The following KRT8 variants were observed in gnomAD, a reference collection of about 807,000 sequenced individuals.
KRT8 encodes keratin, type II cytoskeletal 8.
In KRT8, 24 loss-of-function variants were observed where a neutral mutation model predicts 43.0. The observed-to-expected ratio is 0.56, with a 90% CI of 0.40 to 0.78. The LOEUF is 0.78. Ranked by LOEUF, KRT8 falls within the 30% of genes least tolerant of loss-of-function variation. The pLI, the probability that KRT8 is intolerant of heterozygous loss-of-function variation, is 0.00. For synonymous variants in KRT8, 214 were observed against 261.2 expected (o/e 0.82, Z 1.74); for missense variants, 492 against 638.4 (o/e 0.77, Z 2.47).
chr12:52,944,939 G>A (rs943845993), intron 2 of KRT8, among the ~76,000 whole-genome samples: 13 of 152,268 alleles, frequency 8.5e-5, no homozygotes, highest in Admixed American at 3.3e-4. Context: ...CCCCTGCTCC[G>A]CAGCTGCCTC....
At chr12:52,935,539 AAAAAAGGAAAAGAAAAAG>A (rs1217424876) in intron 2 of KRT8, among the ~76,000 whole-genome samples, 152 of 151,380 alleles carry the variant, frequency 1.0e-3, no homozygotes, top group African/African-American at 3.5e-3. Context: ...TAAAAAAAAA[AAAAAAGGAAAAGAAAAAG>A]AAAAAGGAAA....
chr12:52,899,034 G>T, intron 5 of KRT8, 135 bp from the exon 6 acceptor site: 1 of 784,616 alleles, frequency 1.3e-6, no homozygotes, highest in Non-Finnish European at 2.1e-6. Context: ...GAGACTAAGG[G>T]CCGGGCACAG....
chr12:52,901,274 G>C (rs5019800), intron 2 of KRT8, 55 bp from the exon 3 acceptor site: 703,663 of 1,317,004 alleles, frequency 0.53, 190,155 homozygotes, highest in South Asian at 0.7. Flanking sequence ...GGTTGCCCTT[G>C]GTCTTTTGGG....
chr12:52,942,180 C>CAGG (rs1236114341), intron 2 of KRT8, among the ~76,000 whole-genome samples: 1 of 152,064 alleles, frequency 6.6e-6, no homozygotes, highest in Non-Finnish European at 1.5e-5. Flanking sequence ...ATGATTCTTC[C>CAGG]AGGAGGAGGA....
chr12:52,900,361 C>CACT lies in KRT8; in HGVS notation c.690+224_690+226dup, dbSNP rs749948003. On this transcript the variant is annotated intron_variant, in intron 4 of 7. Coordinates refer to ENST00000692008, the Ensembl canonical transcript of KRT8. ...ATACGTTATTTCACTTCTCTGAGCCCACTTTCTCGTCTGTGAAATGGGGTA... is the reference window on the plus strand; with the variant it reads ...ATACGTTATTTCACTTCTCTGAGCCCACTACTTTCTCGTCTGTGAAATGGGGTA... Among the ~76,000 whole-genome samples the CACT allele has an allele frequency of 5.5e-4, 84 of 152,320 alleles. 1 individual carries two copies. Among genetic ancestry groups the CACT allele is most frequent in the Non-Finnish European group, 9.1e-4 (62 of 68,028 alleles).
chr12:52,898,969 C>T, intron 5 of KRT8, 70 bp from the exon 6 acceptor site: 1 of 1,346,674 alleles, frequency 7.4e-7, no homozygotes, highest in East Asian at 2.4e-5. Context: ...TCCCACCCTC[C>T]CTCAGGGTCC....
intron 2 of KRT8, among the ~76,000 whole-genome samples, chr12:52,926,973 T>TG (rs1250333113): frequency 1.3e-5 from 2 of 152,138 alleles, no homozygotes; most frequent in African/African-American, 2.4e-5. Context: ...AATGAATGAA[T>TG]GATTCAATTC....
At chr12:52,900,133 G>T in intron 4 of KRT8, 68 bp from the exon 5 acceptor site, 2 of 1,527,460 alleles carry the variant, frequency 1.3e-6, no homozygotes, top group Non-Finnish European at 9.0e-7. Flanking sequence ...TTCCACAACA[G>T]CCTTTCTTAG....
intron 2 of KRT8, among the ~76,000 whole-genome samples, chr12:52,942,518 C>T (rs1565734622): frequency 6.6e-6 from 1 of 152,232 alleles, no homozygotes; most frequent in Non-Finnish European, 1.5e-5. Flanking sequence ...CCTTCCCCAT[C>T]TCACGCTCCT....
intron 5 of KRT8, among the ~76,000 whole-genome samples, chr12:52,899,344 A>C (rs1463616320): frequency 6.6e-6 from 1 of 152,088 alleles, no homozygotes; most frequent in African/African-American, 2.4e-5. Context: ...AACGAGACTA[A>C]GGAAGCAGAT....
chr12:52,897,404 G>A (rs780116654), exon 8 of KRT8: 59 of 1,590,922 alleles, frequency 3.7e-5, no homozygotes, highest in Non-Finnish European at 4.8e-5. Flanking sequence ...GGAGGGGTAG[G>A]CTGGGAGGGG....
chr12:52,942,517 T>A (rs1942283408), intron 2 of KRT8, among the ~76,000 whole-genome samples: 1 of 152,138 alleles, frequency 6.6e-6, no homozygotes. Flanking sequence ...ACCTTCCCCA[T>A]CTCACGCTCC....
chr12:52,934,965 G>A (rs1373608834), intron 2 of KRT8, among the ~76,000 whole-genome samples: 5 of 149,650 alleles, frequency 3.3e-5, no homozygotes, highest in East Asian at 2.0e-4. Context: ...GTGAAACTCC[G>A]TCTCAAAAAA....
chr12:52,918,204 A>AGAAGAAGAAGAAGAG (rs1174152176), intron 2 of KRT8, among the ~76,000 whole-genome samples: 2 of 116,860 alleles, frequency 1.7e-5, no homozygotes, highest in South Asian at 6.0e-4. Context: ...AAGAAGAAGA[A>AGAAGAAGAAGAAGAG]CAAGAAGAAG....
chr12:52,920,049 G>A (rs1941852097), intron 2 of KRT8, among the ~76,000 whole-genome samples: 1 of 152,196 alleles, frequency 6.6e-6, no homozygotes, highest in African/African-American at 2.4e-5. Flanking sequence ...ACAGAGACAG[G>A]AATTGAACCC....
chr12:52,939,339 A>C (rs1942229728), intron 2 of KRT8, among the ~76,000 whole-genome samples: 1 of 151,744 alleles, frequency 6.6e-6, no homozygotes, highest in African/African-American at 2.4e-5. Flanking sequence ...AACTGTCTCT[A>C]GTAAAAATAG....
chr12:52,913,413 A>G (rs1175270507), intron 2 of KRT8, among the ~76,000 whole-genome samples: 1 of 152,258 alleles, frequency 6.6e-6, no homozygotes, highest in African/African-American at 2.4e-5. Context: ...AGGACTCTAA[A>G]GAATCTGGCT....
upstream of KRT8, among the ~76,000 whole-genome samples, chr12:52,905,484 C>T (rs762769582): frequency 3.3e-5 from 5 of 152,064 alleles, no homozygotes; most frequent in Admixed American, 2.6e-4. Context: ...TCTGAGCTGC[C>T]GACACCCCAG....
rs57023136 is a variant in KRT8, at chr12:52,922,184, TAAAAAAAAAAAAAAAAAAA to T, written c.-46-17176_-46-17158del. On this transcript the variant is annotated intron_variant, in intron 2 of 6. Transcript: ENST00000546826. Reference sequence around the variant, plus strand: ...GGGTGACAGAGTGAGACCCTGTCTCTAAAAAAAAAAAAAAAAAAAAAAAAAAAAAAAAAAAAATGTAGCA... The same window carrying T: ...GGGTGACAGAGTGAGACCCTGTCTCTAAAAAAAAAAAAAAAAAATGTAGCA... 3.9e-4 allele frequency among the ~76,000 whole-genome samples: 15 copies of T among 38,728 alleles called. No homozygotes were observed. The South Asian group carries it at 0.013, about 33-fold the overall frequency. 25.4% of individuals were successfully genotyped at this position (38,728 alleles called of 152,430 possible). A position where few individuals can be genotyped will look rare whatever the true frequency, so the allele number is the denominator to read the frequency against.
Sources: gnomAD v4.1 joint callset for allele counts (sites outside exome capture counted in the v4.1 genomes callset) on GRCh38, gnomAD v4.1.1 for gene constraint, MANE v1.5 for transcripts, NCBI Gene and HGNC (gene_info 2026-07-23, HGNC 2026-07-21) for gene names.